The following TENM2 variants were observed in gnomAD, a reference collection of about 807,000 sequenced individuals.
The protein encoded by TENM2 is teneurin-2.
TENM2 carries 52 observed loss-of-function variants against 245.2 expected under a neutral mutation model. The observed-to-expected ratio is 0.21, with a 90% CI of 0.17 to 0.27. TENM2 has a LOEUF of 0.27. TENM2 is among the 10% of genes least tolerant of loss of function. TENM2 has a pLI of 1.00. For synonymous variants in TENM2, 1,363 were observed against 1,438.9 expected, an observed-to-expected ratio of 0.95 and a Z score of 1.19; for missense variants, 3,046 against 3,666.8, an observed-to-expected ratio of 0.83 and a Z score of 4.37.
At chr5:167,701,069 G>A (rs1758111438) in intron 2 of TENM2, among the ~76,000 whole-genome samples, 1 of 149,486 alleles carries the variant, frequency 6.7e-6, no homozygotes, top group Non-Finnish European at 1.5e-5. Flanking sequence ...AAATATTTAT[G>A]TTAATATGCT....
intron 2 of TENM2, among the ~76,000 whole-genome samples, chr5:167,403,735 T>A (rs1002989527): frequency 1.3e-5 from 2 of 152,132 alleles, no homozygotes; most frequent in African/African-American, 4.8e-5. Context: ...AATGATTTTT[T>A]AAAATCTTTA....
rs542906665 is a variant in TENM2, at chr5:167,364,761, A to T, written c.227-10437A>T. On this transcript the variant is annotated intron_variant, in intron 1 of 28. Transcript: ENST00000518659. Reference sequence around the variant, plus strand: ...ATAAAAGGGTCAATTTATTCTAGGGATATAAAAGTCTATGTGCCTAATAAC... The same window carrying T: ...ATAAAAGGGTCAATTTATTCTAGGGTTATAAAAGTCTATGTGCCTAATAAC... Among the ~76,000 whole-genome samples, 47 of 152,170 alleles carry T rather than the reference A, an allele frequency of 3.1e-4. 2 individuals are homozygous for T. The South Asian group carries it at 8.9e-3, about 29-fold the overall frequency.
intron 2 of TENM2, among the ~76,000 whole-genome samples, chr5:167,432,540 A>G (rs1764312584): frequency 6.6e-6 from 1 of 151,806 alleles, no homozygotes; most frequent in Admixed American, 6.6e-5. Flanking sequence ...TTTTGATTCC[A>G]CAGTGGAAAA....
At chr5:167,194,598 C>G in the TENM2 span, among the ~76,000 whole-genome samples, 1 of 151,942 alleles carries the variant, frequency 6.6e-6, no homozygotes, top group Non-Finnish European at 1.5e-5. Flanking sequence ...GGTTTTGAGT[C>G]AGGGATTAAT....
At chr5:166,984,414 A>C in the TENM2 span, among the ~76,000 whole-genome samples, 2 of 152,122 alleles carry the variant, frequency 1.3e-5, no homozygotes, top group African/African-American at 2.4e-5. Flanking sequence ...ATTATTGCTT[A>C]GAACTTCACT....
chr5:167,282,971 T>A (rs1010387504), upstream of TENM2, among the ~76,000 whole-genome samples: 12 of 152,160 alleles, frequency 7.9e-5, no homozygotes, highest in African/African-American at 2.9e-4. Flanking sequence ...GCAAGCTAGC[T>A]ACTGCTTGTG....
chr5:167,803,601 G>A (rs1356340990), intron 2 of TENM2, among the ~76,000 whole-genome samples: 5 of 152,166 alleles, frequency 3.3e-5, no homozygotes, highest in East Asian at 1.9e-4. Context: ...ATACTTCAGG[G>A]TTTGTGGGAG....
intron 2 of TENM2, among the ~76,000 whole-genome samples, chr5:167,839,007 G>C (rs1162673600): frequency 6.6e-6 from 1 of 152,160 alleles, no homozygotes; most frequent in African/African-American, 2.4e-5. Context: ...AATAGGAATA[G>C]GGAAATGGGT....
intron 12 of TENM2, among the ~76,000 whole-genome samples, chr5:168,161,595 G>A (rs1435657865): frequency 6.6e-6 from 1 of 152,130 alleles, no homozygotes. Flanking sequence ...CATCCTAGTA[G>A]TTCTCTGCTT....
At chr5:168,129,931 A>C (rs2152371566) in intron 12 of TENM2, 1 of 152,342 alleles carries the variant, frequency 6.6e-6, no homozygotes, top group East Asian at 1.9e-4. Context: ...TGCATAGGGA[A>C]ATTTTGGGTA....
At chr5:167,362,275 A>C (rs1420497580) in intron 1 of TENM2, among the ~76,000 whole-genome samples, 1 of 152,194 alleles carries the variant, frequency 6.6e-6, no homozygotes, top group East Asian at 1.9e-4. Context: ...CAATGGCTGG[A>C]GGCTTAGTAT....
intron 2 of TENM2, among the ~76,000 whole-genome samples, chr5:167,715,307 G>A (rs181762157): frequency 6.6e-5 from 10 of 152,148 alleles, no homozygotes; most frequent in African/African-American, 2.2e-4. Context: ...ATTCAAGCAG[G>A]GGAGAAAATA....
intron 2 of TENM2, among the ~76,000 whole-genome samples, chr5:167,742,074 G>T (rs777699875): frequency 6.6e-6 from 1 of 152,060 alleles, no homozygotes; most frequent in Non-Finnish European, 1.5e-5. Context: ...ATCCTAAGTG[G>T]CAATTAATTG....
In TENM2 at chr5:167,479,358, G is replaced by C. The variant is rs1206794768; in HGVS notation, c.502+103885G>C. Among the ~76,000 whole-genome samples, 3 of 152,180 alleles carry C rather than the reference G, an allele frequency of 2.0e-5. No homozygotes were observed. In the East Asian group the frequency reaches 5.8e-4, roughly 29 times the overall value. ...ATTATATAAAAGTGAAAGATTTGGGGTCCTACTCTCCCAAACTATTGAATA... is the reference window on the plus strand; with the variant it reads ...ATTATATAAAAGTGAAAGATTTGGGCTCCTACTCTCCCAAACTATTGAATA... On this transcript the variant is annotated intron_variant, in intron 2 of 28. Transcript: ENST00000518659.
chr5:167,560,862 AG>A (rs942003236), intron 2 of TENM2, among the ~76,000 whole-genome samples: 17 of 152,302 alleles, frequency 1.1e-4, no homozygotes, highest in African/African-American at 4.1e-4. Context: ...TTTCCTCCCC[AG>A]GGGACAGTTG....
the TENM2 span, among the ~76,000 whole-genome samples, chr5:167,178,504 C>T: frequency 6.6e-6 from 1 of 152,102 alleles, no homozygotes; most frequent in Non-Finnish European, 1.5e-5. Flanking sequence ...TTAGCGCAGA[C>T]AGCAGAGTTA....
chr5:167,562,554 G>A (rs958442261), intron 2 of TENM2, among the ~76,000 whole-genome samples: 1 of 152,144 alleles, frequency 6.6e-6, no homozygotes, highest in East Asian at 1.9e-4. Flanking sequence ...TGGAGGCCAC[G>A]CTGCCAGCCT....
chr5:166,994,585 T>C, the TENM2 span, among the ~76,000 whole-genome samples: 1 of 152,222 alleles, frequency 6.6e-6, no homozygotes, highest in African/African-American at 2.4e-5. Flanking sequence ...CCTTTTTAGA[T>C]ATGCATGTTC....
At chr5:167,085,626 T>G in the TENM2 span, among the ~76,000 whole-genome samples, 4 of 152,188 alleles carry the variant, frequency 2.6e-5, no homozygotes, top group Non-Finnish European at 5.9e-5. Context: ...ATAGCAAGCA[T>G]TTTTATAAGG....
Sources: allele counts gnomAD v4.1 joint callset (sites outside exome capture counted in the v4.1 genomes callset), GRCh38; gene constraint gnomAD v4.1.1; transcripts MANE v1.5; gene names NCBI Gene and HGNC (gene_info 2026-07-23, HGNC 2026-07-21).